Variants in WLS observed in about 807,000 individuals in gnomAD.
The protein encoded by WLS is Wnt ligand secretion mediator, also known as protein wntless homolog.
In WLS, 23 loss-of-function variants were observed where a neutral mutation model predicts 62.8. That is an observed-to-expected ratio of 0.37 (90% CI 0.26 to 0.52). The LOEUF is 0.52. Ranked by LOEUF, WLS falls within the 20% of genes least tolerant of loss-of-function variation. The pLI is 0.92. For missense variants in WLS, 615 were observed against 697.3 expected, an observed-to-expected ratio of 0.88 and a Z score of 1.33; for synonymous variants, 246 against 244.1, an observed-to-expected ratio of 1.01 and a Z score of -0.07.
At chr1:68,137,463 A>G (rs894101061) in intron 11 of WLS, among the ~76,000 whole-genome samples, 4 of 152,232 alleles carry the variant, frequency 2.6e-5, no homozygotes, top group African/African-American at 9.7e-5. Context: ...AGTTTCCAAC[A>G]GTCAATTGTG....
chr1:68,198,163 A>G (rs1648781289), intron 1 of WLS, among the ~76,000 whole-genome samples: 1 of 152,176 alleles, frequency 6.6e-6, no homozygotes. Flanking sequence ...GTAGGCCAAA[A>G]ACTACTTCTA....
downstream of WLS, among the ~76,000 whole-genome samples, chr1:68,124,204 ATC>A (rs1646396995): frequency 2.0e-5 from 3 of 152,086 alleles, no homozygotes. Context: ...AGTCTCTGTG[ATC>A]TCTTTTCTGG....
chr1:68,105,129 T>C (rs758043622), intron 11 of WLS, among the ~76,000 whole-genome samples: 41 of 152,218 alleles, frequency 2.7e-4, no homozygotes, highest in Non-Finnish European at 6.0e-4. Flanking sequence ...GTCTATTCTC[T>C]TTTCCAATTC....
chr1:68,115,971 G>T (rs907963170), intron 11 of WLS, among the ~76,000 whole-genome samples: 13 of 152,176 alleles, frequency 8.5e-5, no homozygotes, highest in African/African-American at 3.1e-4. Flanking sequence ...GGCAAGCTCT[G>T]CACCTCCTGG....
chr1:68,163,196 A>C lies in WLS; in HGVS notation c.380-3949T>G, dbSNP rs1180125277. On this transcript the variant is annotated intron_variant, in intron 2 of 11. Transcript: ENST00000262348. ...TGCATGACGCCACTATGAACCCACT[A>C]TAAATCTGTACACACTATAAATCTG... 5.7e-6 allele frequency: 4 copies of C among 703,052 alleles called. No individual in the cohort carries two copies. In the Admixed American group the frequency reaches 9.6e-5, roughly 17 times the overall value. 43.6% of individuals were successfully genotyped at this position (703,052 alleles called of 1,614,324 possible).
chr1:68,140,546 G>A (rs1421866082), intron 10 of WLS, among the ~76,000 whole-genome samples: 1 of 152,184 alleles, frequency 6.6e-6, no homozygotes, highest in Non-Finnish European at 1.5e-5. Flanking sequence ...ACTGGAATGA[G>A]ATGCCCATAG....
rs533877091 is a variant in WLS, at chr1:68,232,468, C to A, written c.-169G>T. Reference sequence around the variant, plus strand: ...GGGACCGGGACGGAAGGCGCCCGCACGGATTCCCCCGGCGCAGCCGGCTCG... The same window carrying A: ...GGGACCGGGACGGAAGGCGCCCGCAAGGATTCCCCCGGCGCAGCCGGCTCG... On this transcript the variant is annotated 5_prime_UTR_variant, in exon 1 of 12. Coordinates refer to ENST00000262348, the MANE Select transcript of WLS (RefSeq NM_024911.7). 9.8e-5 allele frequency: 131 copies of A among 1,340,140 alleles called. No individual in the cohort carries two copies. The African/African-American group carries it at 1.6e-3, about 17-fold the overall frequency. The allele number at this position is 1,340,140 out of a possible 1,614,324, so 83.0% of individuals were successfully genotyped here.
In WLS at chr1:68,183,410, GC is replaced by G. The variant is rs371937558; in HGVS notation, c.379+10544del. 1,364 of 302,516 alleles carry G rather than the reference GC, an allele frequency of 4.5e-3. 11 individuals carry two copies. Among genetic ancestry groups the G allele is most frequent in the Non-Finnish European group, 6.4e-3 (890 of 140,118 alleles). 18.7% of individuals were successfully genotyped at this position (302,516 alleles called of 1,614,324 possible). On this transcript the variant is annotated intron_variant, in intron 2 of 11. Coordinates refer to ENST00000262348, the MANE Select transcript of WLS (RefSeq NM_024911.7). The stretch of plus-strand genomic sequence containing the variant: ...TTATGTGAATATCATACTACCAATG[GC>G]CTGTTCCATCATAGCAGGGATAGTT...
intron 9 of WLS, 117 bp from the exon 10 acceptor site, chr1:68,144,769 G>T (rs1646731653): frequency 2.5e-6 from 2 of 789,680 alleles, no homozygotes; most frequent in South Asian, 1.8e-5. Flanking sequence ...CCCTAAGAAT[G>T]ACAGTAAAAT....
intron 2 of WLS, among the ~76,000 whole-genome samples, chr1:68,181,428 G>A (rs1488683478): frequency 3.3e-5 from 5 of 152,202 alleles, no homozygotes; most frequent in Non-Finnish European, 7.3e-5. Context: ...AATGAGACAC[G>A]TGGGTGATCT....
At chr1:68,147,988 A>C in intron 8 of WLS, 148 bp downstream of exon 8, 2 of 816,150 alleles carry the variant, frequency 2.5e-6, no homozygotes, top group Non-Finnish European at 4.0e-6. Context: ...TCTTATTATT[A>C]GCCTTAATTG....
Position 68,194,010 on chromosome 1 carries a change from T to C in WLS, c.324A>G (p.Gln108=), listed in dbSNP as rs139667042. The C allele has an allele frequency of 1.1e-4, 183 of 1,614,022 alleles. No individual in the cohort carries two copies. The highest frequency in any genetic ancestry group is 8.2e-4 in the Middle Eastern group (5 of 6,084). ...CCAGCTGCAGGATAAACAGCATGAA[T>C]TGGAACCAAGGACTCATCTCCATGT... The part of the protein sequence containing the change: ...LPHMEMSPWF[Q]FMLFILQLDI... The change falls in exon 2 of 12, where the codon CAA becomes CAG. Residue 108 remains glutamine, a synonymous_variant. Coordinates refer to ENST00000262348, the MANE Select transcript of WLS (RefSeq NM_024911.7).
At chr1:68,134,286 TAG>T (rs1646573888) in intron 11 of WLS, among the ~76,000 whole-genome samples, 1 of 151,754 alleles carries the variant, frequency 6.6e-6, no homozygotes, top group Non-Finnish European at 1.5e-5. Flanking sequence ...TGAAACAAAA[TAG>T]AGAAGAAAAA....
chr1:68,109,604 T>TTTC (rs1176965122), intron 11 of WLS, among the ~76,000 whole-genome samples: 2 of 151,892 alleles, frequency 1.3e-5, no homozygotes, highest in Non-Finnish European at 2.9e-5. Context: ...CTTTTAGAAA[T>TTTC]GAAAAATGTT....
chr1:68,109,402 C>G (rs1456087699), intron 11 of WLS, among the ~76,000 whole-genome samples: 1 of 152,174 alleles, frequency 6.6e-6, no homozygotes, highest in East Asian at 1.9e-4. Context: ...AAGCAAACCA[C>G]TATAAGCAAG....
intron 1 of WLS, among the ~76,000 whole-genome samples, chr1:68,222,117 A>AT (rs527416297): frequency 3.9e-5 from 6 of 152,320 alleles, no homozygotes; most frequent in Non-Finnish European, 7.3e-5. Flanking sequence ...TTAGTCATAG[A>AT]TTTTTTTAGT....
At position 68,206,836 on chromosome 1, in the gene WLS, G is replaced by A. The variant is rs140874712; in HGVS notation, c.107-12609C>T. 1.3e-3 allele frequency among the ~76,000 whole-genome samples: 201 copies of A among 152,224 alleles called. 1 individual carries two copies. The highest frequency in any genetic ancestry group is 2.2e-3 in the Non-Finnish European group (148 of 68,010). On this transcript the variant is annotated intron_variant, in intron 1 of 11. Coordinates refer to ENST00000262348, the MANE Select transcript of WLS (RefSeq NM_024911.7). The stretch of plus-strand genomic sequence containing the variant: ...CTAAAAAGAATGTATGTACTTCTAC[G>A]TTATGATGAAAGTCACTCTTTTAAG...
intron 2 of WLS, chr1:68,176,405 G>A (rs1647261796): frequency 7.2e-6 from 1 of 138,356 alleles, no homozygotes; most frequent in Non-Finnish European, 1.6e-5. Flanking sequence ...CCTCCCGTTG[G>A]GAAAACCACC....
Position 68,126,253 on chromosome 1 carries a change from C to G in WLS, c.1599G>C (p.Lys533Asn). ...THVDGPTEIY[K>N]LTRKEAQE ...ACTCCTGGGCCTCCTTGCGGGTCAA[C>G]TTGTAGATCTCAGTGGGTCCGTCCA... Residue 533 changes from lysine (K) to asparagine (N), a missense_variant, in exon 12 of 12, where the codon AAG becomes AAC. Lys to Asn is a moderately conservative substitution (Grantham distance 94). Coordinates refer to ENST00000262348, the MANE Select transcript of WLS (RefSeq NM_024911.7). 1 of 1,614,198 alleles carries G rather than the reference C, an allele frequency of 6.2e-7. No homozygotes were observed. Among genetic ancestry groups the G allele is most frequent in the Non-Finnish European group, 8.5e-7 (1 of 1,180,040 alleles).
Sources: allele counts gnomAD v4.1 joint callset (sites outside exome capture counted in the v4.1 genomes callset), GRCh38; gene constraint gnomAD v4.1.1; transcripts MANE v1.5; gene names NCBI Gene and HGNC (gene_info 2026-07-23, HGNC 2026-07-21).